The following ZNF682 variants were observed in gnomAD, a reference collection of about 807,000 sequenced individuals.
ZNF682 encodes the protein zinc finger protein 682.
In ZNF682, 29 loss-of-function variants were observed where a neutral mutation model predicts 36.5. The ratio of observed to expected loss-of-function variants is 0.80; its 90% CI spans 0.59 to 1.08. The LOEUF (loss-of-function observed/expected upper bound fraction) is 1.08. Ranked by LOEUF, ZNF682 falls within the 50% of genes least tolerant of loss-of-function variation. ZNF682 has a pLI of 0.00. For missense variants in ZNF682, 561 were observed against 579.7 expected, an observed-to-expected ratio of 0.97 and a Z score of 0.33; for synonymous variants, 180 against 197.0, an observed-to-expected ratio of 0.91 and a Z score of 0.72.
chr19:20,023,382 A>G (rs567607695), intron 2 of ZNF682, among the ~76,000 whole-genome samples: 62 of 152,116 alleles, frequency 4.1e-4, no homozygotes, highest in African/African-American at 1.5e-3. Flanking sequence ...CTGTAATCCC[A>G]GCTGCTTGGG....
chr19:20,017,761 C>G (rs1490183671), intron 3 of ZNF682, among the ~76,000 whole-genome samples: 1 of 152,100 alleles, frequency 6.6e-6, no homozygotes, highest in Non-Finnish European at 1.5e-5. Context: ...ACATGATATT[C>G]TCAATTACAC....
chr19:20,020,140 G>C lies in ZNF682; in HGVS notation c.226+2864C>G, dbSNP rs113093107. 3.4e-3 allele frequency among the ~76,000 whole-genome samples: 518 copies of C among 151,572 alleles called. 7 individuals carry two copies. Among genetic ancestry groups the C allele is most frequent in the African/African-American group, 0.012 (489 of 41,330 alleles). ...ACAAGTTTCTGAAGAAAAAAATCTT[G>C]TACACTGTTGGTGTGTTGTAAACTG... On this transcript the variant is annotated intron_variant, in intron 3 of 3. Transcript: ENST00000397165.
intron 1 of ZNF682, among the ~76,000 whole-genome samples, chr19:20,026,298 G>A (rs1216722656): frequency 1.9e-4 from 22 of 114,132 alleles, no homozygotes; most frequent in Non-Finnish European, 2.5e-4. Context: ...GCGAGGCTCC[G>A]TCTCAAAAAA....
intron 1 of ZNF682, 41 bp from the exon 2 acceptor site, chr19:20,024,417 G>A: frequency 1.3e-6 from 2 of 1,584,132 alleles, no homozygotes; most frequent in East Asian, 2.2e-5. Flanking sequence ...CTGTCAATGG[G>A]CAGAGTTCTT....
rs35481536 is a variant in ZNF682 at position 20,012,767 on chromosome 19, CAA to C, written c.227-5494_227-5493del. On this transcript the variant is annotated intron_variant, in intron 3 of 3. Coordinates refer to ENST00000397165, the MANE Select transcript of ZNF682 (RefSeq NM_033196.3). ...TGGGCGACAGAGCAAGACTCCGTCT[CAA>C]AAAAAAAAAAAAAAAAAGAAATTTA... 6.0e-4 allele frequency among the ~76,000 whole-genome samples: 50 copies of C among 83,712 alleles called. 1 individual carries two copies. Among genetic ancestry groups the C allele is most frequent in the South Asian group, 2.9e-3 (7 of 2,444 alleles). The allele number at this position is 83,712 out of a possible 152,430, so 54.9% of individuals were successfully genotyped here. A position where few individuals can be genotyped will look rare whatever the true frequency, so the allele number is the denominator to read the frequency against.
At chr19:20,033,161 G>A (rs1200851235) in intron 1 of ZNF682, among the ~76,000 whole-genome samples, 1 of 152,090 alleles carries the variant, frequency 6.6e-6, no homozygotes, top group Non-Finnish European at 1.5e-5. Flanking sequence ...CAGCTACTTG[G>A]GAGGCTGAGG....
Position 20,029,600 on chromosome 19 carries a change from C to CA in ZNF682, c.4-5225dup, listed in dbSNP as rs59197434. 7.4e-3 allele frequency among the ~76,000 whole-genome samples: 889 copies of CA among 119,834 alleles called. 8 individuals carry two copies. The highest frequency in any genetic ancestry group is 0.01 in the Non-Finnish European group (601 of 57,626). The allele number at this position is 119,834 out of a possible 152,430, so 78.6% of individuals were successfully genotyped here. On this transcript the variant is annotated intron_variant, in intron 1 of 3. Coordinates refer to ENST00000397165, the MANE Select transcript of ZNF682 (RefSeq NM_033196.3). ...TGGGTGACAGAGTGAGACCCTGTCT[C>CA]AAAAAAAAAAAAAAAATTAAAAAAA...
chr19:20,018,004 G>A (rs935977083), intron 3 of ZNF682, among the ~76,000 whole-genome samples: 2 of 139,218 alleles, frequency 1.4e-5, no homozygotes. Flanking sequence ...CAAATTCAAT[G>A]TAATATCTAT....
At chr19:20,039,094 C>T in intron 1 of ZNF682, 1 of 1,359,272 alleles carries the variant, frequency 7.4e-7, no homozygotes, top group Admixed American at 3.0e-5. Context: ...ACGCGCGCGG[C>T]TCTTCCCAGG....
rs879202326 is a variant in ZNF682, at chr19:20,006,413, A to G, written c.1089T>C (p.His363=). 1.9e-6 allele frequency: 3 copies of G among 1,613,356 alleles called. No individual in the cohort carries two copies. Among genetic ancestry groups the G allele is most frequent in the Non-Finnish European group, 1.7e-6 (2 of 1,179,862 alleles). ...SSILTEHKVI[H]SGEKPYKCEK... ...CACATTTGTAGGGTTTCTCTCCGCT[A>G]TGAATTACCTTATGTTCAGTAAGAA... Residue 363 remains histidine, a synonymous_variant, in exon 4 of 4, where the codon CAT becomes CAC. Coordinates refer to ENST00000397165, the MANE Select transcript of ZNF682 (RefSeq NM_033196.3).
intron 3 of ZNF682, among the ~76,000 whole-genome samples, chr19:20,013,852 T>A (rs1035606358): frequency 9.2e-5 from 14 of 152,198 alleles, no homozygotes; most frequent in Non-Finnish European, 1.6e-4. Context: ...AGTGCTGGGA[T>A]TGCAGGTGTG....
chr19:20,027,461 T>C lies in ZNF682; in HGVS notation c.4-3085A>G, dbSNP rs150310155. Among the ~76,000 whole-genome samples the C allele has an allele frequency of 1.6e-3, 242 of 152,290 alleles. 3 individuals are homozygous for C. Among genetic ancestry groups the C allele is most frequent in the Middle Eastern group, 6.8e-3 (2 of 294 alleles). ...GCACAGCAGGCCCCATGACCTCTCTTTAAAACAAAGCCTGGGGGCTAGGCG... is the reference window on the plus strand; with the variant it reads ...GCACAGCAGGCCCCATGACCTCTCTCTAAAACAAAGCCTGGGGGCTAGGCG... On this transcript the variant is annotated intron_variant, in intron 1 of 3. Coordinates refer to ENST00000397165, the MANE Select transcript of ZNF682 (RefSeq NM_033196.3).
intron 3 of ZNF682, among the ~76,000 whole-genome samples, chr19:20,022,688 A>G (rs1487018771): frequency 6.6e-6 from 1 of 152,136 alleles, no homozygotes; most frequent in African/African-American, 2.4e-5. Context: ...AAAATAGTTT[A>G]ACATAGAGTT....
downstream of ZNF682, among the ~76,000 whole-genome samples, chr19:20,001,821 T>C (rs1312023350): frequency 6.6e-6 from 1 of 152,208 alleles, no homozygotes; most frequent in Non-Finnish European, 1.5e-5. Flanking sequence ...TATATTTAAT[T>C]AGGTCCCATG....
intron 1 of ZNF682, chr19:20,031,096 G>GA (rs2088475638): frequency 6.6e-6 from 1 of 152,242 alleles, no homozygotes; most frequent in African/African-American, 2.4e-5. Flanking sequence ...ATCCAAACAG[G>GA]AAACACTGAG....
chr19:20,031,182 C>T (rs905997590), intron 1 of ZNF682: 1 of 152,234 alleles, frequency 6.6e-6, no homozygotes, highest in African/African-American at 2.4e-5. Context: ...TATGTGATAT[C>T]ACCTGTCCTT....
Position 20,006,081 on chromosome 19 carries a change from AC to A in ZNF682, c.1420del (p.Val474PhefsTer30). The A allele has an allele frequency of 6.2e-7, 1 of 1,611,738 alleles. No individual in the cohort carries two copies. The highest frequency in any genetic ancestry group is 8.5e-7 in the Non-Finnish European group (1 of 1,178,696). On this transcript the variant is annotated frameshift_variant, in exon 4 of 4. Coordinates refer to ENST00000397165, the MANE Select transcript of ZNF682 (RefSeq NM_033196.3). LOFTEE classifies it high-confidence loss of function. ...CTTGCAGGATTTCTCTCCTCTTTGA[AC>A]TCTCTTATGTTCATTAAGATGTGAG... Reference protein sequence around the residue: ...RCSHLNEHKRVQRGEKSCKYK... With the variant: ...RCSHLNEHKRXQRGEKSCKYK...
At chr19:20,037,442 A>C (rs1451232779) in intron 1 of ZNF682, among the ~76,000 whole-genome samples, 1 of 152,234 alleles carries the variant, frequency 6.6e-6, no homozygotes, top group East Asian at 1.9e-4. Flanking sequence ...TTCAAGCTCT[A>C]CTGATAATTT....
At chr19:20,026,777 A>G (rs2088435807) in intron 1 of ZNF682, among the ~76,000 whole-genome samples, 1 of 152,122 alleles carries the variant, frequency 6.6e-6, no homozygotes, top group African/African-American at 2.4e-5. Context: ...CAAAGAGAAC[A>G]TTTTTATTCT....
Sources: gnomAD v4.1 joint callset for allele counts (sites outside exome capture counted in the v4.1 genomes callset) on GRCh38, gnomAD v4.1.1 for gene constraint, MANE v1.5 for transcripts, NCBI Gene and HGNC (gene_info 2026-07-23, HGNC 2026-07-21) for gene names.